Variants in RIOK2 observed in about 807,000 individuals in gnomAD.
The protein encoded by RIOK2 is serine/threonine-protein kinase RIO2.
RIOK2 carries 46 observed loss-of-function variants against 62.4 expected under a neutral mutation model. The ratio of observed to expected loss-of-function variants is 0.74; its 90% CI spans 0.58 to 0.94. The LOEUF is 0.94. Among genes scored for constraint, RIOK2 ranks in the 40% least tolerant of loss-of-function variants. The pLI is 0.00. For synonymous variants in RIOK2, 197 were observed against 216.0 expected, an observed-to-expected ratio of 0.91 and a Z score of 0.77; for missense variants, 574 against 658.0, an observed-to-expected ratio of 0.87 and a Z score of 1.40.
chr5:97,182,536 T>G lies in RIOK2; in HGVS notation c.66+590A>C, dbSNP rs554401528. ...ACCAAAGGCCAATAACTTGTGCCCC[T>G]CCTCTCCACCAGATACATATACTTT... is the stretch of plus-strand genomic sequence containing the variant. On this transcript the variant is annotated intron_variant, in intron 1 of 9. Coordinates refer to ENST00000283109, the MANE Select transcript of RIOK2 (RefSeq NM_018343.3). 7.2e-5 allele frequency among the ~76,000 whole-genome samples: 11 copies of G among 152,304 alleles called. No homozygotes were observed. The South Asian group carries it at 2.3e-3, about 32-fold the overall frequency.
At chr5:97,173,149 T>C in intron 5 of RIOK2, 26 bp downstream of exon 5, 2 of 1,496,124 alleles carry the variant, frequency 1.3e-6, no homozygotes, top group Non-Finnish European at 1.8e-6. Context: ...TCAGGATTCA[T>C]GGCTTTAAGA....
Position 97,167,696 on chromosome 5 carries a change from TC to T in RIOK2, c.1167del (p.Ser390ValfsTer4), listed in dbSNP as rs1403149492. Reference protein sequence around the residue: ...DSLSEESADARSFEMTEFNQA... With the variant: ...DSLSEESADAXSFEMTEFNQA... ...TGATTGAATTCAGTCATTTCAAAAC[TC>T]CGTGCATCAGCACTCTCTTCTGATA... On this transcript the variant is annotated frameshift_variant, in exon 8 of 10. Coordinates refer to ENST00000283109, the MANE Select transcript of RIOK2 (RefSeq NM_018343.3). LOFTEE classifies it high-confidence loss of function. 3 of 1,614,212 alleles carry T rather than the reference TC, an allele frequency of 1.9e-6. No individual in the cohort carries two copies. The South Asian group carries it at 3.3e-5, about 18-fold the overall frequency.
At chr5:97,169,402 T>C (rs1280132468) in intron 6 of RIOK2, among the ~76,000 whole-genome samples, 1 of 152,214 alleles carries the variant, frequency 6.6e-6, no homozygotes, top group Non-Finnish European at 1.5e-5. Flanking sequence ...CTACAGCCTA[T>C]AAAAATAATC....
Position 97,171,332 on chromosome 5 carries a change from T to C in RIOK2, c.653A>G (p.Lys218Arg), listed in dbSNP as rs1232371686. The C allele has an allele frequency of 1.9e-6, 3 of 1,609,634 alleles. No individual in the cohort carries two copies. Among genetic ancestry groups the C allele is most frequent in the Admixed American group, 1.7e-5 (1 of 59,066 alleles). Residue 218 changes from lysine to arginine, a missense_variant, in exon 6 of 10, where the codon AAA (lysine) becomes AGA (arginine). Lys to Arg is a conservative substitution (Grantham distance 26, BLOSUM62 2). Coordinates refer to ENST00000283109, the MANE Select transcript of RIOK2 (RefSeq NM_018343.3). ...ATGAATCAGCCCATGATTTGCAAGT[T>C]TGACAATTAGTTCCATAGCTTCATC... Reference protein sequence around the residue: ...VYDEAMELIVKLANHGLIHGD... With the variant: ...VYDEAMELIVRLANHGLIHGD...
chr5:97,182,988 G>T, intron 1 of RIOK2, 138 bp downstream of exon 1: 1 of 908,754 alleles, frequency 1.1e-6, no homozygotes, highest in Non-Finnish European at 1.9e-6. Context: ...CTTTCTGAAT[G>T]CTCTCTTCTC....
chr5:97,173,932 A>C (rs1749089005), intron 4 of RIOK2, among the ~76,000 whole-genome samples: 1 of 152,162 alleles, frequency 6.6e-6, no homozygotes, highest in Admixed American at 6.5e-5. Flanking sequence ...AATACCTTAG[A>C]TTTATGCCCT....
At chr5:97,166,515 A>G in intron 8 of RIOK2, 1 of 198,680 alleles carries the variant, frequency 5.0e-6, no homozygotes, top group Non-Finnish European at 1.1e-5. Context: ...TTGTCATATT[A>G]CTATTTTGAA....
chr5:97,161,922 C>A lies in RIOK2; in HGVS notation c.*1139G>T, dbSNP rs547292836. ...ATTTAAATATTTGAATGTCAGGTAA[C>A]TTTTGAGGGAAGAGGAATTGGCATT... On this transcript the variant is annotated 3_prime_UTR_variant, in exon 10 of 10. Transcript: ENST00000283109. 2 of 152,196 alleles carry A rather than the reference C, an allele frequency of 1.3e-5. No homozygotes were observed. The highest frequency in any genetic ancestry group is 4.8e-5 in the African/African-American group (2 of 41,526). The allele number at this position is 152,196 out of a possible 1,614,324, so 9.4% of individuals were successfully genotyped here.
rs766879571 is a variant in RIOK2 at position 97,167,721 on chromosome 5, T to C, written c.1143A>G (p.Leu381=). ...TCCGTGCATCAGCACTCTCTTCTGA[T>C]AAACTGTCTTCCTTTATTTGTTCAG... ...GDPEQIKEDS[L]SEESADARSF... The change falls in exon 8 of 10, where the codon TTA becomes TTG. Residue 381 remains leucine (L), a synonymous_variant. Transcript: ENST00000283109. The C allele has an allele frequency of 6.2e-6, 10 of 1,614,098 alleles. No homozygotes were observed. The highest frequency in any genetic ancestry group is 1.1e-5 in the South Asian group (1 of 91,092).
chr5:97,167,756 A>G lies in RIOK2; in HGVS notation c.1108T>C (p.Ser370Pro). The G allele has an allele frequency of 6.2e-7, 1 of 1,614,152 alleles. No individual in the cohort carries two copies. Among genetic ancestry groups the G allele is most frequent in the Non-Finnish European group, 8.5e-7 (1 of 1,180,014 alleles). ...TCCTTTATTTGTTCAGGGTCTCCAG[A>G]TGATCTGCAATAGCAGCCCTCTGAT... ...EESEGCYCRSSGDPEQIKEDS... is the reference protein window; with the variant it reads ...EESEGCYCRSPGDPEQIKEDS... Residue 370 changes from serine (S) to proline (P), a missense_variant, in exon 8 of 10, where the codon TCT (serine) becomes CCT (proline). Ser to Pro is a moderately conservative substitution (Grantham distance 74). Transcript: ENST00000283109.
chr5:97,164,495 T>A (rs1434194489), intron 9 of RIOK2, among the ~76,000 whole-genome samples: 2 of 151,282 alleles, frequency 1.3e-5, no homozygotes, highest in African/African-American at 2.4e-5. Flanking sequence ...CCGGCCTGGA[T>A]GACAAGAGCA....
At chr5:97,182,531 G>A (rs925033534) in intron 1 of RIOK2, among the ~76,000 whole-genome samples, 6 of 152,050 alleles carry the variant, frequency 3.9e-5, no homozygotes, top group Non-Finnish European at 7.4e-5. Context: ...AATAACTTGT[G>A]CCCCTCCTCT....
In RIOK2 at chr5:97,171,221, T is replaced by C. The variant is rs1420047440; in HGVS notation, c.764A>G (p.His255Arg). 2.6e-6 allele frequency: 4 copies of C among 1,568,068 alleles called. No homozygotes were observed. In the East Asian group the frequency reaches 6.9e-5, roughly 27 times the overall value. The stretch of plus-strand genomic sequence containing the variant: ...AAGTACGTACCACTCAGCATTGGGA[T>C]GAGAAGTTGAAACCATCTGTGGAAA... ...IDFPQMVSTSHPNAEWYFDRD... is the reference protein window; with the variant it reads ...IDFPQMVSTSRPNAEWYFDRD... Residue 255 changes from histidine to arginine, a missense_variant, in exon 6 of 10, where the codon CAT (histidine) becomes CGT (arginine). Transcript: ENST00000283109.
chr5:97,177,116 C>A lies in RIOK2; in HGVS notation c.498G>T (p.Lys166Asn). The change falls in exon 4 of 10, where the codon AAG (lysine) becomes AAT (asparagine). Residue 166 changes from lysine (K) to asparagine (N), a missense_variant and splice_region_variant. Physicochemically the swap from Lys to Asn is moderately conservative, Grantham distance 94. Transcript: ENST00000283109. ...LSAMKEFAYM[K>N]ALYERKFPVP... Reference sequence around the variant, plus strand: ...CATGACTACAAAATAAAATAAATACCTTCATATAGGCAAATTCCTTCATGG... The same window carrying A: ...CATGACTACAAAATAAAATAAATACATTCATATAGGCAAATTCCTTCATGG... The A allele has an allele frequency of 6.2e-7, 1 of 1,607,904 alleles. No individual in the cohort carries two copies. Among genetic ancestry groups the A allele is most frequent in the South Asian group, 1.1e-5 (1 of 90,654 alleles).
intron 8 of RIOK2, among the ~76,000 whole-genome samples, chr5:97,165,786 C>T (rs12187005): frequency 0.08 from 12,133 of 152,156 alleles, 537 homozygotes; most frequent in Non-Finnish European, 0.095. Flanking sequence ...TTTAAAAGAC[C>T]ATTTAATCCT....
chr5:97,167,710 C>G lies in RIOK2; in HGVS notation c.1154G>C (p.Ser385Thr). Residue 385 changes from serine (S) to threonine (T), a missense_variant, in exon 8 of 10, where the codon AGT becomes ACT. Physicochemically the swap from Ser to Thr is moderately conservative, Grantham distance 58. Transcript: ENST00000283109. Reference sequence around the variant, plus strand: ...CATTTCAAAACTCCGTGCATCAGCACTCTCTTCTGATAAACTGTCTTCCTT... The same window carrying G: ...CATTTCAAAACTCCGTGCATCAGCAGTCTCTTCTGATAAACTGTCTTCCTT... ...QIKEDSLSEE[S>T]ADARSFEMTE... The G allele has an allele frequency of 6.2e-7, 1 of 1,614,188 alleles. No individual in the cohort carries two copies. The highest frequency in any genetic ancestry group is 8.5e-7 in the Non-Finnish European group (1 of 1,180,008).
chr5:97,165,651 G>A (rs983256779), intron 8 of RIOK2, among the ~76,000 whole-genome samples: 2 of 152,104 alleles, frequency 1.3e-5, no homozygotes, highest in Admixed American at 6.5e-5. Context: ...ATAAAAACTC[G>A]GACGATATTA....
In RIOK2 at chr5:97,183,185, T is replaced by C; in HGVS notation, c.7A>G (p.Lys3Glu). The change falls in exon 1 of 10, where the codon AAA becomes GAA. Residue 3 changes from lysine (K) to glutamate (E), a missense_variant. Physicochemically the swap from Lys to Glu is moderately conservative, Grantham distance 56. Coordinates refer to ENST00000283109, the MANE Select transcript of RIOK2 (RefSeq NM_018343.3). MG[K>E]VNVAKLRYMS... Reference sequence around the variant, plus strand: ...TAACGCAACTTGGCCACATTCACTTTCCCCATGGCGGCCCCAGTCCGAACC... The same window carrying C: ...TAACGCAACTTGGCCACATTCACTTCCCCCATGGCGGCCCCAGTCCGAACC... 6.2e-7 allele frequency: 1 copy of C among 1,614,068 alleles called. No individual in the cohort carries two copies.
intron 8 of RIOK2, chr5:97,166,188 C>T (rs1301084394): frequency 5.3e-6 from 2 of 379,614 alleles, no homozygotes; most frequent in African/African-American, 4.2e-5. Context: ...GCCTCCATAA[C>T]CCCATGGGCT....
Sources: allele counts gnomAD v4.1 joint callset (sites outside exome capture counted in the v4.1 genomes callset), GRCh38; gene constraint gnomAD v4.1.1; transcripts MANE v1.5; gene names NCBI Gene and HGNC (gene_info 2026-07-23, HGNC 2026-07-21).